RAB11FIP3: variants seen among roughly 807,000 people sequenced by gnomAD.
RAB11FIP3 encodes the protein rab11 family-interacting protein 3.
RAB11FIP3 carries 17 observed loss-of-function variants against 77.8 expected under a neutral mutation model. The observed-to-expected ratio is 0.22, with a 90% CI of 0.15 to 0.33. The LOEUF (loss-of-function observed/expected upper bound fraction) is 0.33, where lower values mean the gene tolerates loss of function less well. Ranked by LOEUF, RAB11FIP3 falls within the 10% of genes least tolerant of loss-of-function variation. RAB11FIP3 has a pLI of 1.00. For synonymous variants in RAB11FIP3, 437 were observed against 448.2 expected, an observed-to-expected ratio of 0.98 and a Z score of 0.31; for missense variants, 1,005 against 1,011.2, an observed-to-expected ratio of 0.99 and a Z score of 0.08.
At chr16:433,926 G>C (rs1449794942) in intron 1 of RAB11FIP3, among the ~76,000 whole-genome samples, 3 of 151,992 alleles carry the variant, frequency 2.0e-5, no homozygotes, top group Non-Finnish European at 4.4e-5. Context: ...ACTGTTGATG[G>C]ACACTTAGAT....
chr16:516,872 A>G (rs927824018), intron 9 of RAB11FIP3, among the ~76,000 whole-genome samples: 9 of 152,218 alleles, frequency 5.9e-5, no homozygotes, highest in Admixed American at 2.0e-4. Flanking sequence ...AATAAAATAA[A>G]TAAATAGAGA....
At chr16:449,437 GCTTA>G (rs2055371523) in intron 1 of RAB11FIP3, among the ~76,000 whole-genome samples, 2 of 152,214 alleles carry the variant, frequency 1.3e-5, no homozygotes, top group East Asian at 1.9e-4. Context: ...AGGTATGGCA[GCTTA>G]CTTCTTCTTT....
At chr16:445,702 C>T (rs1249938980) in intron 1 of RAB11FIP3, among the ~76,000 whole-genome samples, 1 of 151,910 alleles carries the variant, frequency 6.6e-6, no homozygotes, top group Non-Finnish European at 1.5e-5. Flanking sequence ...GAGAAAGGTT[C>T]TGCCAGAAAA....
intron 5 of RAB11FIP3, among the ~76,000 whole-genome samples, chr16:490,257 C>T (rs993009247): frequency 1.3e-5 from 2 of 152,240 alleles, no homozygotes; most frequent in African/African-American, 4.8e-5. Context: ...TTTGCCTTCG[C>T]GTCGCAGACG....
intron 1 of RAB11FIP3, among the ~76,000 whole-genome samples, chr16:451,755 A>C (rs1452513391): frequency 6.6e-6 from 1 of 152,098 alleles, no homozygotes; most frequent in Non-Finnish European, 1.5e-5. Context: ...GAATTGTTTG[A>C]ACCAGGGAAG....
intron 1 of RAB11FIP3, among the ~76,000 whole-genome samples, chr16:452,163 G>GAAAC (rs917623567): frequency 6.6e-6 from 1 of 150,740 alleles, no homozygotes; most frequent in Non-Finnish European, 1.5e-5. Context: ...AAATAAAAAG[G>GAAAC]AAACAAACAA....
rs528128922 is a variant in RAB11FIP3, at chr16:490,756, C to T, written c.1265+1756C>T. Among the ~76,000 whole-genome samples the T allele has an allele frequency of 2.6e-5, 4 of 152,362 alleles. No individual in the cohort carries two copies. In the South Asian group the frequency reaches 6.2e-4, roughly 24 times the overall value. ...CAAGTTTACCCGGAGACATGGTTCG[C>T]TATCACATTGATGTGTTTTTGGCAA... is the stretch of plus-strand genomic sequence containing the variant. On this transcript the variant is annotated intron_variant, in intron 5 of 13. Transcript: ENST00000262305.
intron 3 of RAB11FIP3, chr16:474,762 G>C: frequency 2.2e-6 from 3 of 1,345,488 alleles, no homozygotes; most frequent in Non-Finnish European, 2.9e-6. Flanking sequence ...TCTGTTTTCA[G>C]CCCTGACTGA....
chr16:467,569 C>T (rs2055726887), intron 2 of RAB11FIP3, among the ~76,000 whole-genome samples: 1 of 125,324 alleles, frequency 8.0e-6, no homozygotes, highest in Non-Finnish European at 1.6e-5. Flanking sequence ...GGTGCTGGGA[C>T]GTCAGGGAGG....
chr16:492,539 C>CCGGGG, intron 5 of RAB11FIP3, among the ~76,000 whole-genome samples: 1 of 151,758 alleles, frequency 6.6e-6, no homozygotes, highest in Admixed American at 6.6e-5. Context: ...CGAGGCCGTC[C>CCGGGG]AGAATCTTGG....
chr16:492,732 C>T (rs1000159926), intron 5 of RAB11FIP3, among the ~76,000 whole-genome samples: 11 of 152,222 alleles, frequency 7.2e-5, no homozygotes, highest in African/African-American at 2.2e-4. Flanking sequence ...ATGTCATCTC[C>T]GTACATGAAA....
intron 5 of RAB11FIP3, among the ~76,000 whole-genome samples, chr16:494,479 G>A (rs8046538): frequency 0.43 from 64,718 of 150,976 alleles, 14,924 homozygotes; most frequent in Middle Eastern, 0.53. Flanking sequence ...AAAATTAGCC[G>A]GGCGTGGTGG....
chr16:473,854 C>A (rs911467673), intron 3 of RAB11FIP3, among the ~76,000 whole-genome samples: 1 of 152,166 alleles, frequency 6.6e-6, no homozygotes, highest in Non-Finnish European at 1.5e-5. Context: ...AGTGCCGGCT[C>A]ATCCCTCACA....
intron 1 of RAB11FIP3, among the ~76,000 whole-genome samples, chr16:453,891 G>A (rs578199748): frequency 3.2e-4 from 49 of 152,130 alleles, no homozygotes; most frequent in Admixed American, 1.6e-3. Flanking sequence ...CACCACACCC[G>A]GCCAAGGAAG....
chr16:462,074 C>T (rs2055616234), intron 2 of RAB11FIP3, among the ~76,000 whole-genome samples: 1 of 152,244 alleles, frequency 6.6e-6, no homozygotes, highest in Admixed American at 6.5e-5. Flanking sequence ...CTGTGAGCTC[C>T]GACAGAGTCC....
chr16:519,375 C>G (rs552103594), intron 10 of RAB11FIP3, among the ~76,000 whole-genome samples: 3 of 152,354 alleles, frequency 2.0e-5, no homozygotes, highest in East Asian at 3.9e-4. Flanking sequence ...CTCCCTGCCC[C>G]CACCTCACCA....
chr16:426,380 G>T lies in RAB11FIP3; in HGVS notation c.374G>T (p.Trp125Leu). ...PLPELDPLFS[W>L]TEEPEECGPA... ...CCAGAACTCGACCCGTTGTTCTCCT[G>T]GACTGAGGAGCCCGAGGAGTGTGGC... is the stretch of plus-strand genomic sequence containing the variant. Residue 125 changes from tryptophan (W) to leucine (L), a missense_variant, in exon 1 of 14, where the codon TGG (tryptophan) becomes TTG (leucine). Transcript: ENST00000262305. The surrounding 1 kb of genome is among the most constrained non-coding windows in gnomAD (Gnocchi z 5.0). 6.3e-7 allele frequency: 1 copy of T among 1,576,230 alleles called. No homozygotes were observed. Among genetic ancestry groups the T allele is most frequent in the East Asian group, 2.3e-5 (1 of 43,012 alleles).
chr16:460,416 T>A (rs2055585061), intron 1 of RAB11FIP3, among the ~76,000 whole-genome samples: 1 of 152,128 alleles, frequency 6.6e-6, no homozygotes, highest in South Asian at 2.1e-4. Flanking sequence ...TGTCAGCCCA[T>A]CAGCTGAGTA....
intron 5 of RAB11FIP3, among the ~76,000 whole-genome samples, chr16:492,207 T>C (rs914213319): frequency 6.6e-6 from 1 of 152,174 alleles, no homozygotes; most frequent in Non-Finnish European, 1.5e-5. Context: ...TAACTCTTCT[T>C]ATGTTCTGTG....
Sources: gnomAD v4.1 joint callset for allele counts (sites outside exome capture counted in the v4.1 genomes callset) on GRCh38, gnomAD v4.1.1 for gene constraint, Gnocchi (gnomAD v3.1) non-coding constraint, MANE v1.5 for transcripts, NCBI Gene and HGNC (gene_info 2026-07-23, HGNC 2026-07-21) for gene names.